DPYD: variants seen among roughly 807,000 people sequenced by gnomAD.
DPYD encodes the protein dihydropyrimidine dehydrogenase.
A neutral mutation model predicts 116.2 loss-of-function variants in DPYD; 109 were observed. The observed-to-expected ratio is 0.94, with a 90% CI of 0.80 to 1.10. The LOEUF (loss-of-function observed/expected upper bound fraction) is 1.10. DPYD is among the 50% of genes least tolerant of loss of function. DPYD has a pLI of 0.00. For synonymous variants in DPYD, 440 were observed against 432.0 expected (o/e 1.02, Z -0.23); for missense variants, 1,302 against 1,254.5 (o/e 1.04, Z -0.57).
intron 16 of DPYD, among the ~76,000 whole-genome samples, chr1:97,321,983 A>C (rs1273753228): frequency 1.4e-5 from 1 of 73,858 alleles, no homozygotes; most frequent in African/African-American, 4.7e-5. Flanking sequence ...CTATCGCAAG[A>C]ACAAAAAAAC....
At chr1:97,359,034 G>A (rs183470359) in intron 16 of DPYD, among the ~76,000 whole-genome samples, 5 of 152,152 alleles carry the variant, frequency 3.3e-5, no homozygotes, top group African/African-American at 9.6e-5. Flanking sequence ...GAGGATGTTC[G>A]AACCCATCGC....
intron 20 of DPYD, among the ~76,000 whole-genome samples, chr1:97,140,331 C>G (rs1296180392): frequency 6.6e-6 from 1 of 152,016 alleles, no homozygotes; most frequent in African/African-American, 2.4e-5. Flanking sequence ...TGCAATATAA[C>G]TACATTGAAA....
chr1:97,816,068 T>A (rs1047965282), intron 3 of DPYD, among the ~76,000 whole-genome samples: 2 of 152,070 alleles, frequency 1.3e-5, no homozygotes, highest in African/African-American at 2.4e-5. Context: ...TTTTAATTTT[T>A]TTTTTTTTAG....
At chr1:97,228,152 T>A (rs1661321523) in intron 19 of DPYD, among the ~76,000 whole-genome samples, 1 of 151,892 alleles carries the variant, frequency 6.6e-6, no homozygotes, top group Non-Finnish European at 1.5e-5. Flanking sequence ...GTTGTTTTTT[T>A]TTTTAATTCA....
intron 7 of DPYD, among the ~76,000 whole-genome samples, chr1:97,682,555 C>A (rs944591249): frequency 6.6e-6 from 1 of 152,026 alleles, no homozygotes; most frequent in African/African-American, 2.4e-5. Flanking sequence ...TAAAGCTTTG[C>A]TTACATTATG....
intron 21 of DPYD, among the ~76,000 whole-genome samples, chr1:97,094,640 G>A (rs994476732): frequency 6.6e-6 from 1 of 152,130 alleles, no homozygotes; most frequent in East Asian, 1.9e-4. Flanking sequence ...TAAGTATGAT[G>A]GCTACTGGGT....
intron 18 of DPYD, among the ~76,000 whole-genome samples, chr1:97,256,055 A>G (rs1267161412): frequency 1.3e-5 from 2 of 152,156 alleles, no homozygotes; most frequent in Non-Finnish European, 2.9e-5. Flanking sequence ...ATAGTTGATT[A>G]TGACAGCTTT....
intron 16 of DPYD, among the ~76,000 whole-genome samples, chr1:97,347,551 A>G (rs1192164970): frequency 6.6e-6 from 1 of 151,952 alleles, no homozygotes; most frequent in Non-Finnish European, 1.5e-5. Flanking sequence ...ATTTTGTTTC[A>G]TATCTTGCAT....
chr1:97,698,766 TC>T (rs1249188210), intron 6 of DPYD, among the ~76,000 whole-genome samples: 1 of 151,904 alleles, frequency 6.6e-6, no homozygotes, highest in Non-Finnish European at 1.5e-5. Context: ...GAAATATGTG[TC>T]CCGTATAGAG....
At chr1:97,651,345 C>T (rs943175767) in intron 8 of DPYD, among the ~76,000 whole-genome samples, 3 of 152,134 alleles carry the variant, frequency 2.0e-5, no homozygotes, top group Admixed American at 6.5e-5. Context: ...TGTGACACAT[C>T]CTTTACAAGT....
intron 19 of DPYD, among the ~76,000 whole-genome samples, chr1:97,201,783 C>T (rs1162759475): frequency 2.0e-5 from 3 of 152,064 alleles, no homozygotes; most frequent in Non-Finnish European, 4.4e-5. Flanking sequence ...GTGAGAGTTT[C>T]TAAGTAGTTT....
intron 1 of DPYD, among the ~76,000 whole-genome samples, chr1:97,896,252 AT>A (rs2101672797): frequency 6.6e-6 from 1 of 151,960 alleles, no homozygotes; most frequent in Non-Finnish European, 1.5e-5. Flanking sequence ...GCTCACATAA[AT>A]GGATAAGAAA....
At chr1:97,408,082 T>C (rs1260314285) in intron 14 of DPYD, among the ~76,000 whole-genome samples, 1 of 152,170 alleles carries the variant, frequency 6.6e-6, no homozygotes, top group Admixed American at 6.6e-5. Context: ...ACTATTACCA[T>C]GCCCTATGAT....
chr1:97,283,038 C>T (rs1254440680), intron 18 of DPYD, among the ~76,000 whole-genome samples: 2 of 152,004 alleles, frequency 1.3e-5, no homozygotes, highest in Non-Finnish European at 2.9e-5. Flanking sequence ...ATGCATGTGT[C>T]TTTATGGTGA....
chr1:97,740,934 C>T (rs530559271), intron 3 of DPYD, among the ~76,000 whole-genome samples: 2 of 152,198 alleles, frequency 1.3e-5, no homozygotes, highest in African/African-American at 2.4e-5. Flanking sequence ...TTCCTTCCTC[C>T]CAGCTTCCCT....
intron 18 of DPYD, among the ~76,000 whole-genome samples, chr1:97,273,349 A>C (rs764098251): frequency 1.3e-5 from 2 of 152,188 alleles, no homozygotes; most frequent in Non-Finnish European, 2.9e-5. Flanking sequence ...AGGAATGCAG[A>C]AAATCAATGC....
At chr1:97,285,709 G>C (rs1241213014) in intron 18 of DPYD, among the ~76,000 whole-genome samples, 1 of 148,052 alleles carries the variant, frequency 6.8e-6, no homozygotes, top group Non-Finnish European at 1.5e-5. Context: ...TTTGAGACAG[G>C]GTCTCTTTCT....
At chr1:97,784,758 C>G (rs1666932158) in intron 3 of DPYD, among the ~76,000 whole-genome samples, 1 of 152,052 alleles carries the variant, frequency 6.6e-6, no homozygotes, top group Non-Finnish European at 1.5e-5. Flanking sequence ...CTGAGTTATC[C>G]AATGTGACAT....
At chr1:97,184,962 G>T (rs1269607998) in intron 20 of DPYD, among the ~76,000 whole-genome samples, 1 of 152,018 alleles carries the variant, frequency 6.6e-6, no homozygotes, top group Non-Finnish European at 1.5e-5. Flanking sequence ...CCCAGCTCTT[G>T]ATCTTAAGAG....
Sources: allele counts gnomAD v4.1 joint callset (sites outside exome capture counted in the v4.1 genomes callset), GRCh38; gene constraint gnomAD v4.1.1; transcripts MANE v1.5; gene names NCBI Gene and HGNC (gene_info 2026-07-23, HGNC 2026-07-21).